Variants in SPATC1L observed in about 807,000 individuals in gnomAD.
SPATC1L encodes speriolin-like protein.
A neutral mutation model predicts 21.2 loss-of-function variants in SPATC1L; 20 were observed. That is an observed-to-expected ratio of 0.94 (90% CI 0.66 to 1.37). The LOEUF (loss-of-function observed/expected upper bound fraction) is 1.37. SPATC1L is among the 40% of genes most tolerant of loss of function. The pLI is 0.00. For synonymous variants in SPATC1L, 290 were observed against 234.5 expected (o/e 1.24, Z -2.16); for missense variants, 499 against 478.7 (o/e 1.04, Z -0.40).
Position 46,182,643 on chromosome 21 carries a change from G to A in SPATC1L, c.174C>T (p.Ala58=), listed in dbSNP as rs535746289. Residue 58 remains alanine (A), a synonymous_variant, in exon 2 of 5, where the codon GCC becomes GCT. Transcript: ENST00000291672. ...CCTCACCTCCGCTCCCGGGGGAGCCGGCCTCAGGGTAGGCATGCGCCCTGG... is the reference window on the plus strand; with the variant it reads ...CCTCACCTCCGCTCCCGGGGGAGCCAGCCTCAGGGTAGGCATGCGCCCTGG... ...LPPRAHAYPE[A]GSPGSGVPDF... 93 of 1,520,006 alleles carry A rather than the reference G, an allele frequency of 6.1e-5. No individual in the cohort carries two copies. In the South Asian group the frequency reaches 7.5e-4, roughly 12 times the overall value. 94.2% of individuals were successfully genotyped at this position (1,520,006 alleles called of 1,614,324 possible).
chr21:46,161,973 C>T lies in SPATC1L; in HGVS notation c.639G>A (p.Pro213=), dbSNP rs766062797. 16 of 1,607,690 alleles carry T rather than the reference C, an allele frequency of 1.0e-5. No homozygotes were observed. The highest frequency in any genetic ancestry group is 4.0e-5 in the African/African-American group (3 of 74,910). ...TGAAGCCGTAGAGCCGCGTCACGCC[C>T]GGGAACACGTAGGCCAGGATGCGGC... The part of the protein sequence containing the change: ...LDRRILAYVF[P]GVTRLYGFTV... The change falls in exon 4 of 5, where the codon CCG becomes CCA. Residue 213 remains proline (P), a synonymous_variant. Transcript: ENST00000291672.
chr21:46,174,220 T>G (rs1434344702), intron 2 of SPATC1L, among the ~76,000 whole-genome samples: 1 of 151,818 alleles, frequency 6.6e-6, no homozygotes, highest in African/African-American at 2.4e-5. Context: ...TTCCAGCTAC[T>G]TGGGAGGCTG....
chr21:46,177,434 T>C (rs1273969893), intron 2 of SPATC1L, among the ~76,000 whole-genome samples: 1 of 152,064 alleles, frequency 6.6e-6, no homozygotes, highest in Non-Finnish European at 1.5e-5. Flanking sequence ...AACAACCCCA[T>C]TAAAAAGTGG....
chr21:46,182,037 A>G (rs2079678083), intron 2 of SPATC1L, among the ~76,000 whole-genome samples: 1 of 152,198 alleles, frequency 6.6e-6, no homozygotes, highest in South Asian at 2.1e-4. Context: ...CTATGTGGTG[A>G]GTGGATCATG....
At chr21:46,172,035 A>C (rs1200735797) in intron 2 of SPATC1L, among the ~76,000 whole-genome samples, 2 of 98,450 alleles carry the variant, frequency 2.0e-5, no homozygotes, top group African/African-American at 6.6e-5. Flanking sequence ...ACGAGGCAGG[A>C]GTGTGCACAG....
At chr21:46,168,681 G>C (rs2079559786) in intron 2 of SPATC1L, 23 bp from the exon 3 acceptor site, 1 of 1,345,242 alleles carries the variant, frequency 7.4e-7, no homozygotes, top group South Asian at 2.0e-5. Context: ...GGAAAGGGAT[G>C]AGAAATCAGG....
At chr21:46,172,834 G>T (rs13051547) in intron 2 of SPATC1L, among the ~76,000 whole-genome samples, 110,576 of 152,082 alleles carry the variant, frequency 0.73, 41,483 homozygotes, top group East Asian at 1. Flanking sequence ...GGGCTGAAGG[G>T]GAGAAAGCTG....
At position 46,161,539 on chromosome 21, in the gene SPATC1L, C is replaced by A. The variant is rs771485808; in HGVS notation, c.863G>T (p.Arg288Leu). The part of the protein sequence containing the change: ...LINTYGILKQ[R>L]PDLRANPLHS... Reference sequence around the variant, plus strand: ...CAGGGGGTTGGCGCGCAGGTCGGGCCGCTGCTTCAGGATTCCGTAGGTGTT... The same window carrying A: ...CAGGGGGTTGGCGCGCAGGTCGGGCAGCTGCTTCAGGATTCCGTAGGTGTT... The change falls in exon 5 of 5, where the codon CGG (arginine) becomes CTG (leucine). Residue 288 changes from arginine (R) to leucine (L), a missense_variant. Coordinates refer to ENST00000291672, the MANE Select transcript of SPATC1L (RefSeq NM_001142854.2). 1 of 1,610,478 alleles carries A rather than the reference C, an allele frequency of 6.2e-7. No individual in the cohort carries two copies. Among genetic ancestry groups the A allele is most frequent in the Non-Finnish European group, 8.5e-7 (1 of 1,179,002 alleles).
Position 46,183,639 on chromosome 21 carries a change from G to T in SPATC1L, c.-823C>A, listed in dbSNP as rs1299498752. The T allele has an allele frequency of 5.5e-5, 3 of 55,010 alleles. No individual in the cohort carries two copies. Among genetic ancestry groups the T allele is most frequent in the Non-Finnish European group, 9.6e-5 (3 of 31,160 alleles). The allele number at this position is 55,010 out of a possible 1,614,324, so 3.4% of individuals were successfully genotyped here. A position where few individuals can be genotyped will look rare whatever the true frequency, so the allele number is the denominator to read the frequency against. On this transcript the variant is annotated 5_prime_UTR_variant, in exon 2 of 5. Transcript: ENST00000291672. ...AGCCTTGTGGGGGAGACCAGCCTGC[G>T]GGGGAGACCAGCCTGGGCGGGGAGA...
intron 2 of SPATC1L, among the ~76,000 whole-genome samples, 178 bp from the exon 3 acceptor site, chr21:46,168,836 G>A (rs2079560837): frequency 6.6e-6 from 1 of 152,194 alleles, no homozygotes; most frequent in African/African-American, 2.4e-5. Flanking sequence ...AAAAGGAGGA[G>A]CTGGATGTGG....
At chr21:46,173,304 C>T (rs1203941885) in intron 2 of SPATC1L, among the ~76,000 whole-genome samples, 1 of 152,132 alleles carries the variant, frequency 6.6e-6, no homozygotes, top group African/African-American at 2.4e-5. Flanking sequence ...ACCATAGCTT[C>T]TGTGCCAGCA....
chr21:46,161,571 G>C lies in SPATC1L; in HGVS notation c.831C>G (p.Phe277Leu). ...TCAGGATTCCGTAGGTGTTGATGAG[G>C]AACTCGCTGAACGCCGGGTGCACGT... ...SRDVHPAFSE[F>L]LINTYGILKQ... The change falls in exon 5 of 5, where the codon TTC becomes TTG. Residue 277 changes from phenylalanine (F) to leucine (L), a missense_variant. Physicochemically the swap from Phe to Leu is conservative, Grantham distance 22. Transcript: ENST00000291672. The C allele has an allele frequency of 6.2e-7, 1 of 1,610,406 alleles. No homozygotes were observed. Among genetic ancestry groups the C allele is most frequent in the Non-Finnish European group, 8.5e-7 (1 of 1,178,928 alleles).
At chr21:46,182,056 C>A (rs548811792) in intron 2 of SPATC1L, among the ~76,000 whole-genome samples, 1 of 152,344 alleles carries the variant, frequency 6.6e-6, no homozygotes, top group South Asian at 2.1e-4. Flanking sequence ...TGGCTCCACA[C>A]TCCCAGCCCC....
intron 2 of SPATC1L, among the ~76,000 whole-genome samples, chr21:46,174,420 A>G (rs142734588): frequency 8.4e-4 from 128 of 152,226 alleles, no homozygotes; most frequent in African/African-American, 2.8e-3. Context: ...CAAGAGACCC[A>G]TCTCACATGC....
At chr21:46,162,375 A>T (rs1253885194) in intron 3 of SPATC1L, among the ~76,000 whole-genome samples, 3 of 152,010 alleles carry the variant, frequency 2.0e-5, no homozygotes, top group Non-Finnish European at 1.5e-5. Flanking sequence ...GGCCCCTGCG[A>T]GGACAGAGGA....
intron 2 of SPATC1L, among the ~76,000 whole-genome samples, chr21:46,171,899 T>G (rs1351348496): frequency 7.3e-6 from 1 of 136,108 alleles, no homozygotes; most frequent in Non-Finnish European, 1.5e-5. Context: ...TCAAAATTTG[T>G]CACAACTCTG....
intron 2 of SPATC1L, among the ~76,000 whole-genome samples, chr21:46,178,413 C>T (rs1201655984): frequency 6.6e-6 from 1 of 152,060 alleles, no homozygotes; most frequent in Non-Finnish European, 1.5e-5. Context: ...AGGGGAACAA[C>T]AGACACTGAG....
chr21:46,173,025 A>G (rs1266333486), intron 2 of SPATC1L, among the ~76,000 whole-genome samples: 1 of 152,206 alleles, frequency 6.6e-6, no homozygotes, highest in Non-Finnish European at 1.5e-5. Flanking sequence ...AGCTGCTTAG[A>G]GAAGTGATGG....
intron 2 of SPATC1L, among the ~76,000 whole-genome samples, chr21:46,172,123 G>GTACGCA (rs796922400): frequency 7.2e-6 from 1 of 138,620 alleles, no homozygotes; most frequent in Non-Finnish European, 1.6e-5. Context: ...TGAGGCGGGG[G>GTACGCA]ATGCACAGAG....
Sources: gnomAD v4.1 joint callset for allele counts (sites outside exome capture counted in the v4.1 genomes callset) on GRCh38, gnomAD v4.1.1 for gene constraint, MANE v1.5 for transcripts, NCBI Gene and HGNC (gene_info 2026-07-23, HGNC 2026-07-21) for gene names.